Variants in FOXN4 observed in about 807,000 individuals in gnomAD.
The protein encoded by FOXN4 is forkhead box N4, also known as forkhead box protein N4.
In FOXN4, 12 loss-of-function variants were observed where a neutral mutation model predicts 45.0. The observed-to-expected ratio is 0.27, with a 90% CI of 0.17 to 0.43. The LOEUF is 0.43. Ranked by LOEUF, FOXN4 falls within the 20% of genes least tolerant of loss-of-function variation. FOXN4 has a pLI of 1.00. For missense variants in FOXN4, 560 were observed against 694.9 expected (o/e 0.81, Z 2.18); for synonymous variants, 297 against 295.0 (o/e 1.01, Z -0.07).
rs942368221 is a variant in FOXN4 at position 109,285,595 on chromosome 12, C to T, written c.694-84G>A. On this transcript the variant is annotated intron_variant, in intron 7 of 9. Coordinates refer to ENST00000299162, the MANE Select transcript of FOXN4 (RefSeq NM_213596.3). ...GATCTCCTACTCAGGCCTATAGGGG[C>T]AGGACACCGCGGTGGCAGGAGTAAT... The T allele has an allele frequency of 5.0e-6, 7 of 1,403,058 alleles. No homozygotes were observed. In the African/African-American group the frequency reaches 9.9e-5, roughly 20 times the overall value. 86.9% of individuals were successfully genotyped at this position (1,403,058 alleles called of 1,614,324 possible).
chr12:109,279,274 C>T lies in FOXN4; in HGVS notation c.*397G>A, dbSNP rs955053728. On this transcript the variant is annotated 3_prime_UTR_variant, in exon 10 of 10. Coordinates refer to ENST00000299162, the MANE Select transcript of FOXN4 (RefSeq NM_213596.3). ...AAGGGCTTTCACCCCAGGGTGTTTC[C>T]TTAATGCACCAAGGTGTCCCAAAAT... The T allele has an allele frequency of 3.7e-6, 1 of 268,286 alleles. No homozygotes were observed. Among genetic ancestry groups the T allele is most frequent in the African/African-American group, 2.2e-5 (1 of 46,162 alleles). 16.6% of individuals were successfully genotyped at this position (268,286 alleles called of 1,614,324 possible).
rs1265164403 is a variant in FOXN4 at position 109,297,027 on chromosome 12, TCACCCAGCCAG to T, written c.87-6752_87-6742del. Among the ~76,000 whole-genome samples the T allele has an allele frequency of 3.3e-5, 5 of 152,166 alleles. No homozygotes were observed. The East Asian group carries it at 9.6e-4, about 29-fold the overall frequency. ...CAGAGAGGAACAGGCCTGTCTAGGG[TCACCCAGCCAG>T]GGAGCTGTGGAACCAGGAGATCCAC... is the stretch of plus-strand genomic sequence containing the variant. On this transcript the variant is annotated intron_variant, in intron 2 of 9. Coordinates refer to ENST00000299162, the MANE Select transcript of FOXN4 (RefSeq NM_213596.3).
In FOXN4 at chr12:109,304,725, A is replaced by T. The variant is rs538562539; in HGVS notation, c.86+3511T>A. On this transcript the variant is annotated intron_variant, in intron 2 of 9. Coordinates refer to ENST00000299162, the MANE Select transcript of FOXN4 (RefSeq NM_213596.3). ...GGGGGATGGAGAGCCAGGCGGCTGC[A>T]CGAGAGGCTGGACCCACAGCCTAAG... 6.2e-4 allele frequency among the ~76,000 whole-genome samples: 95 copies of T among 152,324 alleles called. 2 individuals are homozygous for T. The South Asian group carries it at 0.017, about 27-fold the overall frequency.
At chr12:109,286,026 A>G (rs2047707146) in intron 7 of FOXN4, among the ~76,000 whole-genome samples, 1 of 151,996 alleles carries the variant, frequency 6.6e-6, no homozygotes, top group African/African-American at 2.4e-5. Flanking sequence ...CCACCAGCAA[A>G]TTATTTTTAA....
rs1174036887 is a variant in FOXN4, at chr12:109,288,599, GC to G, written c.233-420del. 6.6e-6 allele frequency among the ~76,000 whole-genome samples: 1 copy of G among 152,098 alleles called. No homozygotes were observed. Among genetic ancestry groups the G allele is most frequent in the Non-Finnish European group, 1.5e-5 (1 of 68,026 alleles). On this transcript the variant is annotated intron_variant, in intron 3 of 9. Coordinates refer to ENST00000299162, the MANE Select transcript of FOXN4 (RefSeq NM_213596.3). The surrounding 1 kb of genome is among the most constrained non-coding windows in gnomAD (Gnocchi z 4.3). The stretch of plus-strand genomic sequence containing the variant: ...TTCTTTTCCTCAAAAACATGCCATG[GC>G]TCCCGAGTGCCTCTAGGTTTAGGTC...
rs2047629280 is a variant in FOXN4, at chr12:109,279,147, G to A, written c.*524C>T. ...AGTTCAGCTTGTCCTGTCCAAGAGA[G>A]AGGCTCAAGCTTCTCCGGCTCCATT... On this transcript the variant is annotated 3_prime_UTR_variant, in exon 10 of 10. Transcript: ENST00000299162. 1 of 175,836 alleles carries A rather than the reference G, an allele frequency of 5.7e-6. No homozygotes were observed. The highest frequency in any genetic ancestry group is 5.4e-5 in the Admixed American group (1 of 18,562). The allele number at this position is 175,836 out of a possible 1,614,324, so 10.9% of individuals were successfully genotyped here. A position where few individuals can be genotyped will look rare whatever the true frequency, so the allele number is the denominator to read the frequency against.
At chr12:109,298,588 C>A (rs1246790893) in intron 2 of FOXN4, among the ~76,000 whole-genome samples, 1 of 152,104 alleles carries the variant, frequency 6.6e-6, no homozygotes, top group Non-Finnish European at 1.5e-5. Flanking sequence ...GTCTCGAATT[C>A]CTGACCTTAG....
At chr12:109,305,253 G>A (rs1173164920) in intron 2 of FOXN4, among the ~76,000 whole-genome samples, 1 of 152,206 alleles carries the variant, frequency 6.6e-6, no homozygotes, top group Non-Finnish European at 1.5e-5. Context: ...ATGGGCCCAA[G>A]AGTTCTACCT....
chr12:109,290,624 G>C lies in FOXN4; in HGVS notation c.87-338C>G, dbSNP rs1486454425. ...CACTCCCAGTCACCCTATGAGGCAG[G>C]TGTTATTATTCCTATTTTACAGATG... On this transcript the variant is annotated intron_variant, in intron 2 of 9. Coordinates refer to ENST00000299162, the MANE Select transcript of FOXN4 (RefSeq NM_213596.3). This position sits in a 1 kb window ranked among gnomAD's most constrained non-coding sequence, Gnocchi z 5.1. Among the ~76,000 whole-genome samples the C allele has an allele frequency of 6.6e-6, 1 of 152,184 alleles. No homozygotes were observed. Among genetic ancestry groups the C allele is most frequent in the Non-Finnish European group, 1.5e-5 (1 of 68,040 alleles).
Position 109,290,368 on chromosome 12 carries a change from C to T in FOXN4, c.87-82G>A. ...GGTGCGTCCCGACCTCTGGAAGCAC[C>T]CGCTTAATGTGCCTCATCTCCCCAA... On this transcript the variant is annotated intron_variant, in intron 2 of 9. Coordinates refer to ENST00000299162, the MANE Select transcript of FOXN4 (RefSeq NM_213596.3). The surrounding 1 kb of genome is among the most constrained non-coding windows in gnomAD (Gnocchi z 5.1). 1 of 1,433,886 alleles carries T rather than the reference C, an allele frequency of 7.0e-7. No homozygotes were observed. The highest frequency in any genetic ancestry group is 2.7e-5 in the Admixed American group (1 of 36,646). 88.8% of individuals were successfully genotyped at this position (1,433,886 alleles called of 1,614,324 possible).
intron 2 of FOXN4, among the ~76,000 whole-genome samples, chr12:109,295,107 A>C (rs986375727): frequency 2.0e-5 from 3 of 152,144 alleles, no homozygotes; most frequent in Admixed American, 2.0e-4. Flanking sequence ...AATAGCCGCA[A>C]TACCTCATAC....
At chr12:109,282,036 A>T (rs2136910239) in intron 8 of FOXN4, among the ~76,000 whole-genome samples, 1 of 152,252 alleles carries the variant, frequency 6.6e-6, no homozygotes, top group East Asian at 1.9e-4. Context: ...GTCCTAGCCC[A>T]TGCTGGGTGT....
chr12:109,291,619 C>A lies in FOXN4; in HGVS notation c.87-1333G>T, dbSNP rs1267963220. Reference sequence around the variant, plus strand: ...CTCTCTGCTCCTCCCCATCTCTCCCCTCTTGTGTTTTAGGGCCACAATTAG... The same window carrying A: ...CTCTCTGCTCCTCCCCATCTCTCCCATCTTGTGTTTTAGGGCCACAATTAG... On this transcript the variant is annotated intron_variant, in intron 2 of 9. Transcript: ENST00000299162. This position sits in a 1 kb window ranked among gnomAD's most constrained non-coding sequence, Gnocchi z 6.6. Among the ~76,000 whole-genome samples the A allele has an allele frequency of 6.6e-6, 1 of 152,054 alleles. No homozygotes were observed. The highest frequency in any genetic ancestry group is 2.4e-5 in the African/African-American group (1 of 41,416).
At chr12:109,285,270 T>TGTGTGC in intron 8 of FOXN4, 34 bp downstream of exon 8, 1 of 1,543,172 alleles carries the variant, frequency 6.5e-7, no homozygotes, top group Non-Finnish European at 8.8e-7. Flanking sequence ...TGTGTGTGTG[T>TGTGTGC]GTGTGCGCGC....
Position 109,287,742 on chromosome 12 carries a change from C to T in FOXN4, c.468+102G>A. 1 of 1,186,182 alleles carries T rather than the reference C, an allele frequency of 8.4e-7. No individual in the cohort carries two copies. Among genetic ancestry groups the T allele is most frequent in the Non-Finnish European group, 1.2e-6 (1 of 864,926 alleles). The allele number at this position is 1,186,182 out of a possible 1,614,324, so 73.5% of individuals were successfully genotyped here. The stretch of plus-strand genomic sequence containing the variant: ...GACATGAGCATGGAGGGAATGTTAT[C>T]CCCATGTGCTGGGTGAGTAAACTGA... On this transcript the variant is annotated intron_variant, in intron 5 of 9. Coordinates refer to ENST00000299162, the MANE Select transcript of FOXN4 (RefSeq NM_213596.3). This position sits in a 1 kb window ranked among gnomAD's most constrained non-coding sequence, Gnocchi z 4.1.
rs948580080 is a variant in FOXN4 at position 109,287,049 on chromosome 12, T to TC, written c.597-306dup. Among the ~76,000 whole-genome samples, 2 of 152,146 alleles carry TC rather than the reference T, an allele frequency of 1.3e-5. No homozygotes were observed. On this transcript the variant is annotated intron_variant, in intron 6 of 9. Coordinates refer to ENST00000299162, the MANE Select transcript of FOXN4 (RefSeq NM_213596.3). This position sits in a 1 kb window ranked among gnomAD's most constrained non-coding sequence, Gnocchi z 4.1. ...GCCTTCAGACTTTACCTAGGTTGTT[T>TC]CCCCCTCCCCAAACTCCCACGAGGT...
intron 2 of FOXN4, among the ~76,000 whole-genome samples, chr12:109,305,897 T>C (rs139985568): frequency 6.6e-6 from 1 of 152,220 alleles, no homozygotes; most frequent in East Asian, 1.9e-4. Context: ...TCCTGACCCC[T>C]GCTAGCTCGG....
chr12:109,290,122 A>T lies in FOXN4; in HGVS notation c.232+19T>A. 6.5e-7 allele frequency: 1 copy of T among 1,532,094 alleles called. No homozygotes were observed. The highest frequency in any genetic ancestry group is 8.8e-7 in the Non-Finnish European group (1 of 1,136,058). The allele number at this position is 1,532,094 out of a possible 1,614,324, so 94.9% of individuals were successfully genotyped here. A position where few individuals can be genotyped will look rare whatever the true frequency, so the allele number is the denominator to read the frequency against. ...TCCTATATCACCCTCCTCCCTGCCTACCTTGTCCCTGAGCCTACCTGGGTG... is the reference window on the plus strand; with the variant it reads ...TCCTATATCACCCTCCTCCCTGCCTTCCTTGTCCCTGAGCCTACCTGGGTG... On this transcript the variant is annotated intron_variant, in intron 3 of 9. Transcript: ENST00000299162. This position sits in a 1 kb window ranked among gnomAD's most constrained non-coding sequence, Gnocchi z 5.1.
At chr12:109,306,256 T>C (rs551983263) in intron 2 of FOXN4, among the ~76,000 whole-genome samples, 1 of 152,328 alleles carries the variant, frequency 6.6e-6, no homozygotes, top group African/African-American at 2.4e-5. Flanking sequence ...CTTTATTTAC[T>C]TAATCCTCCC....
Sources: allele counts gnomAD v4.1 joint callset (sites outside exome capture counted in the v4.1 genomes callset), GRCh38; gene constraint gnomAD v4.1.1; non-coding constraint Gnocchi (gnomAD v3.1); transcripts MANE v1.5; gene names NCBI Gene and HGNC (gene_info 2026-07-23, HGNC 2026-07-21).